Variants in WASF1 observed in about 807,000 individuals in gnomAD.
WASF1 encodes the protein actin-binding protein WASF1.
In WASF1, 7 loss-of-function variants were observed where a neutral mutation model predicts 50.5. That is an observed-to-expected ratio of 0.14 (90% confidence interval 0.08 to 0.26). The LOEUF is 0.26. WASF1 is among the 10% of genes least tolerant of loss of function. The pLI is 1.00. For missense variants in WASF1, 470 were observed against 694.7 expected (o/e 0.68, Z 3.64); for synonymous variants, 205 against 244.0 (o/e 0.84, Z 1.49).
intron 2 of WASF1, among the ~76,000 whole-genome samples, chr6:110,162,804 A>G (rs1274328083): frequency 1.3e-5 from 2 of 151,708 alleles, no homozygotes; most frequent in Admixed American, 6.6e-5. Context: ...AGCTAACATC[A>G]TACTTAATGG....
At chr6:110,149,809 G>C (rs1775745878) in intron 3 of WASF1, among the ~76,000 whole-genome samples, 1 of 152,100 alleles carries the variant, frequency 6.6e-6, no homozygotes, top group African/African-American at 2.4e-5. Flanking sequence ...CCCATCACCT[G>C]AGCAGTGTAC....
chr6:110,166,738 A>G (rs1367119102), intron 2 of WASF1, among the ~76,000 whole-genome samples: 1 of 151,930 alleles, frequency 6.6e-6, no homozygotes, highest in Non-Finnish European at 1.5e-5. Context: ...TGGCTCTGCC[A>G]TTTACAAACT....
chr6:110,150,590 C>T (rs901873279), intron 3 of WASF1, among the ~76,000 whole-genome samples: 21 of 151,990 alleles, frequency 1.4e-4, no homozygotes, highest in Non-Finnish European at 2.9e-4. Context: ...ATGTCCATCA[C>T]AAGTAAAACA....
chr6:110,140,522 T>G (rs1775178718), intron 3 of WASF1, among the ~76,000 whole-genome samples: 1 of 152,142 alleles, frequency 6.6e-6, no homozygotes, highest in Non-Finnish European at 1.5e-5. Flanking sequence ...GAGGTGGCAG[T>G]CTTGTGGGAC....
At position 110,122,965 on chromosome 6, in the gene WASF1, A is replaced by C. The variant is rs1227109968; in HGVS notation, c.133+4504T>G. On this transcript the variant is annotated intron_variant, in intron 4 of 10. Coordinates refer to ENST00000392589, the MANE Select transcript of WASF1 (RefSeq NM_003931.3). ...GCCATGACAAAGTGGGGAAAAAAAAAGAGATACCCTGGGAAGCCTGCTTTT... is the reference window on the plus strand; with the variant it reads ...GCCATGACAAAGTGGGGAAAAAAAACGAGATACCCTGGGAAGCCTGCTTTT... Among the ~76,000 whole-genome samples the C allele has an allele frequency of 3.9e-5, 6 of 152,240 alleles. No individual in the cohort carries two copies. The East Asian group carries it at 1.2e-3, about 29-fold the overall frequency.
chr6:110,133,699 T>A (rs985424029), intron 3 of WASF1, among the ~76,000 whole-genome samples: 1 of 152,174 alleles, frequency 6.6e-6, no homozygotes, highest in Non-Finnish European at 1.5e-5. Context: ...AAATTGTTTA[T>A]TCATGTCCTT....
rs145981643 is a variant in WASF1 at position 110,161,561 on chromosome 6, T to G, written c.-126-829A>C. On this transcript the variant is annotated intron_variant, in intron 2 of 10. Coordinates refer to ENST00000392589, the MANE Select transcript of WASF1 (RefSeq NM_003931.3). Reference sequence around the variant, plus strand: ...CAGATATTTTTACATGGTCAAGATATGTGAGACCTCATTTATCGCACTGTA... The same window carrying G: ...CAGATATTTTTACATGGTCAAGATAGGTGAGACCTCATTTATCGCACTGTA... Among the ~76,000 whole-genome samples the G allele has an allele frequency of 7.1e-3, 1,085 of 151,750 alleles. 19 individuals carry two copies. The highest frequency in any genetic ancestry group is 0.025 in the African/African-American group (1,044 of 41,488).
chr6:110,123,335 G>GA (rs1300372540), intron 4 of WASF1, among the ~76,000 whole-genome samples: 72 of 145,886 alleles, frequency 4.9e-4, no homozygotes, highest in African/African-American at 1.0e-3. Flanking sequence ...TACAACTTCT[G>GA]AAAAAAAAAA....
chr6:110,170,551 C>A (rs144518377), intron 2 of WASF1, among the ~76,000 whole-genome samples: 125 of 151,832 alleles, frequency 8.2e-4, no homozygotes, highest in African/African-American at 2.8e-3. Context: ...AAACAAAGAA[C>A]AAGTGCAATG....
chr6:110,114,395 A>G (rs1050764028), intron 4 of WASF1, among the ~76,000 whole-genome samples: 1 of 152,176 alleles, frequency 6.6e-6, no homozygotes, highest in Non-Finnish European at 1.5e-5. Context: ...AGATAAATGA[A>G]TCAAACTTAA....
chr6:110,170,173 A>G (rs1388813312), intron 2 of WASF1, among the ~76,000 whole-genome samples: 1 of 152,102 alleles, frequency 6.6e-6, no homozygotes, highest in Non-Finnish European at 1.5e-5. Context: ...AGAAAAGGAA[A>G]CCATACAAAG....
At chr6:110,109,419 G>T (rs957978717) in intron 5 of WASF1, among the ~76,000 whole-genome samples, 3 of 152,016 alleles carry the variant, frequency 2.0e-5, no homozygotes, top group African/African-American at 7.2e-5. Context: ...ATACAAAAAT[G>T]CTGCATTCTT....
At chr6:110,173,311 TAAAAAAAC>T (rs905370928) in intron 2 of WASF1, among the ~76,000 whole-genome samples, 9 of 151,708 alleles carry the variant, frequency 5.9e-5, no homozygotes, top group East Asian at 5.8e-4. Flanking sequence ...CACACCAAAT[TAAAAAAAC>T]AAAAAAACAA....
chr6:110,167,158 GA>G (rs11435062), intron 2 of WASF1, among the ~76,000 whole-genome samples: 3 of 149,698 alleles, frequency 2.0e-5, no homozygotes, highest in Non-Finnish European at 4.5e-5. Context: ...GGTGATACTG[GA>G]AAAAAAAACC....
intron 10 of WASF1, among the ~76,000 whole-genome samples, chr6:110,101,288 T>TA (rs1212955276): frequency 1.3e-5 from 2 of 152,166 alleles, no homozygotes; most frequent in African/African-American, 4.8e-5. Context: ...TTAAGCATAA[T>TA]ATAAAGGGTT....
chr6:110,138,452 C>G (rs1775067858), intron 3 of WASF1, among the ~76,000 whole-genome samples: 1 of 152,264 alleles, frequency 6.6e-6, no homozygotes, highest in Non-Finnish European at 1.5e-5. Context: ...ATAGCTCTTC[C>G]AGTCCTGCCA....
chr6:110,164,335 A>C (rs1776382450), intron 2 of WASF1, among the ~76,000 whole-genome samples: 1 of 151,662 alleles, frequency 6.6e-6, no homozygotes, highest in South Asian at 2.1e-4. Context: ...TATACAAAAA[A>C]CTCTTGAAAT....
chr6:110,124,262 CTCTCTCTCTCTCTATATATA>C (rs1562170367), intron 4 of WASF1, among the ~76,000 whole-genome samples: 2 of 61,606 alleles, frequency 3.2e-5, no homozygotes, highest in African/African-American at 1.6e-4. Context: ...CTCTCTCTCT[CTCTCTCTCTCTCTATATATA>C]TATATATATA....
At chr6:110,124,221 T>TC (rs1774276085) in intron 4 of WASF1, among the ~76,000 whole-genome samples, 3 of 71,016 alleles carry the variant, frequency 4.2e-5, no homozygotes, top group East Asian at 9.2e-4. Flanking sequence ...CTCTCTCCTC[T>TC]CTCTCCTCTC....
Sources: allele counts gnomAD v4.1 joint callset (sites outside exome capture counted in the v4.1 genomes callset), GRCh38; gene constraint gnomAD v4.1.1; transcripts MANE v1.5; gene names NCBI Gene and HGNC (gene_info 2026-07-23, HGNC 2026-07-21).